ADGRL1: variants seen among roughly 807,000 people sequenced by gnomAD.
The protein encoded by ADGRL1 is CIRL-1.
ADGRL1 carries 31 observed loss-of-function variants against 148.9 expected under a neutral mutation model. The ratio of observed to expected loss-of-function variants is 0.21; its 90% CI spans 0.16 to 0.28. The LOEUF is 0.28. Among genes scored for constraint, ADGRL1 ranks in the 10% least tolerant of loss-of-function variants. The probability of loss-of-function intolerance (pLI) is 1.00; values close to 1 mark genes in which losing one functional copy is unlikely to be tolerated. For synonymous variants in ADGRL1, 937 were observed against 900.3 expected (o/e 1.04, Z -0.73); for missense variants, 1,521 against 2,058.8 (o/e 0.74, Z 5.05).
chr19:14,203,489 G>A (rs902201303), intron 1 of ADGRL1, among the ~76,000 whole-genome samples: 8 of 152,070 alleles, frequency 5.3e-5, no homozygotes, highest in Non-Finnish European at 8.8e-5. Context: ...GGACGCAGAC[G>A]CCCCGAGATG....
At chr19:14,200,901 G>A (rs1357087299) in intron 1 of ADGRL1, among the ~76,000 whole-genome samples, 1 of 152,172 alleles carries the variant, frequency 6.6e-6, no homozygotes, top group Non-Finnish European at 1.5e-5. Flanking sequence ...TACAGGCGTG[G>A]GCCACTTTTT....
intron 4 of ADGRL1, among the ~76,000 whole-genome samples, chr19:14,163,851 G>C (rs555577731): frequency 6.6e-6 from 1 of 152,182 alleles, no homozygotes; most frequent in African/African-American, 2.4e-5. Context: ...TGACGGTCCA[G>C]GGACTCAGCA....
At position 14,158,690 on chromosome 19, in the gene ADGRL1, GC is replaced by G. The variant is rs573401794; in HGVS notation, c.2150-139del. 2.8e-4 allele frequency: 190 copies of G among 679,608 alleles called. No homozygotes were observed. In the African/African-American group the frequency reaches 3.1e-3, roughly 11 times the overall value. 42.1% of individuals were successfully genotyped at this position (679,608 alleles called of 1,614,324 possible). A position where few individuals can be genotyped will look rare whatever the true frequency, so the allele number is the denominator to read the frequency against. ...CTGGGACCTCTGAAGCCAGTCCATA[GC>G]CCAGGCAGGTGGGGGTCAGGGAGCC... is the stretch of plus-strand genomic sequence containing the variant. On this transcript the variant is annotated intron_variant, in intron 11 of 22. Transcript: ENST00000361434.
intron 1 of ADGRL1, among the ~76,000 whole-genome samples, chr19:14,190,492 C>T (rs1360212863): frequency 6.6e-6 from 1 of 152,196 alleles, no homozygotes; most frequent in Non-Finnish European, 1.5e-5. Context: ...GCCTTGCACT[C>T]CTGGCGTCAA....
intron 1 of ADGRL1, among the ~76,000 whole-genome samples, chr19:14,205,372 G>A (rs1279895927): frequency 1.3e-5 from 2 of 151,702 alleles, no homozygotes; most frequent in African/African-American, 4.8e-5. Context: ...CCCTCCTCCT[G>A]ACAGCGGCGC....
intron 1 of ADGRL1, among the ~76,000 whole-genome samples, chr19:14,185,363 G>A (rs1021184343): frequency 5.3e-5 from 8 of 151,914 alleles, no homozygotes; most frequent in African/African-American, 1.7e-4. Context: ...GCACAATGAC[G>A]GCTCACTGCA....
chr19:14,155,592 C>T lies in ADGRL1; in HGVS notation c.3126-65G>A. On this transcript the variant is annotated intron_variant, in intron 17 of 22. Transcript: ENST00000361434. This position sits in a 1 kb window ranked among gnomAD's most constrained non-coding sequence, Gnocchi z 5.0. ...AGGGGACGGCCTCAGCCCAGGCCTC[C>T]CCTGCAGCCTACAACGGGGGCCCTT... 3 of 1,558,814 alleles carry T rather than the reference C, an allele frequency of 1.9e-6. No homozygotes were observed. The highest frequency in any genetic ancestry group is 2.6e-6 in the Non-Finnish European group (3 of 1,140,466).
intron 1 of ADGRL1, among the ~76,000 whole-genome samples, chr19:14,204,343 G>A (rs1972816022): frequency 6.6e-6 from 1 of 152,100 alleles, no homozygotes; most frequent in South Asian, 2.1e-4. Context: ...AGAGTCCCCT[G>A]CCGGGGGCAG....
chr19:14,187,586 G>GC (rs1971660086), intron 1 of ADGRL1, among the ~76,000 whole-genome samples: 1 of 42,036 alleles, frequency 2.4e-5, no homozygotes, highest in African/African-American at 8.6e-5. Context: ...GCTACCTCCA[G>GC]CCCCCAACCG....
chr19:14,194,122 T>C (rs1266380001), intron 1 of ADGRL1, among the ~76,000 whole-genome samples: 1 of 152,180 alleles, frequency 6.6e-6, no homozygotes, highest in Non-Finnish European at 1.5e-5. Context: ...GATGCACCTG[T>C]AGTCCCAGCT....
In ADGRL1 at chr19:14,159,187, C is replaced by G. The variant is rs1234824660; in HGVS notation, c.2052G>C (p.Glu684Asp). The stretch of plus-strand genomic sequence containing the variant: ...GGAACACCAGCTCCTGCACCTGGCC[C>G]TCTGTGTTCAGGACTGTGACCTCCA... ...VVLEVTVLNTEGQVQELVFPQ... is the reference protein window; with the variant it reads ...VVLEVTVLNTDGQVQELVFPQ... Residue 684 changes from glutamate to aspartate, a missense_variant, in exon 11 of 23, where the codon GAG becomes GAC. By Grantham distance (45) the Glu-to-Asp change is conservative (BLOSUM62 2). This residue lies in a region of ADGRL1 where 265 missense variants were observed against 431.9 expected (regional missense o/e 0.61). Transcript: ENST00000361434. The surrounding 1 kb of genome is among the most constrained non-coding windows in gnomAD (Gnocchi z 6.0). The G allele has an allele frequency of 6.2e-7, 1 of 1,614,118 alleles. No homozygotes were observed. The highest frequency in any genetic ancestry group is 1.1e-5 in the South Asian group (1 of 91,086).
chr19:14,172,406 A>G (rs1414218838), intron 3 of ADGRL1, among the ~76,000 whole-genome samples: 3 of 151,472 alleles, frequency 2.0e-5, no homozygotes, highest in African/African-American at 7.3e-5. Context: ...TGGGTGACAG[A>G]GTAAGACTCC....
chr19:14,152,766 T>A lies in ADGRL1; in HGVS notation c.3423+18A>T, dbSNP rs774055043. 9 of 1,613,104 alleles carry A rather than the reference T, an allele frequency of 5.6e-6. No homozygotes were observed. The highest frequency in any genetic ancestry group is 5.0e-5 in the Admixed American group (3 of 59,954). On this transcript the variant is annotated intron_variant, in intron 19 of 22. Transcript: ENST00000361434. The surrounding 1 kb of genome is among the most constrained non-coding windows in gnomAD (Gnocchi z 6.1). Reference sequence around the variant, plus strand: ...GGTTCCAACACTCAGCCCCAGGGAGTCCTGTCTGGCCCGATACCTGGGTCC... The same window carrying A: ...GGTTCCAACACTCAGCCCCAGGGAGACCTGTCTGGCCCGATACCTGGGTCC...
At chr19:14,184,606 T>TTTTA (rs74181775) in intron 1 of ADGRL1, among the ~76,000 whole-genome samples, 8,499 of 103,876 alleles carry the variant, frequency 0.082, 448 homozygotes, top group Admixed American at 0.1. Flanking sequence ...CTAATTTTTA[T>TTTTA]TTTATTTATT....
Position 14,150,831 on chromosome 19 carries a change from C to T in ADGRL1, c.*42G>A, listed in dbSNP as rs528912556. 5.7e-6 allele frequency: 9 copies of T among 1,592,372 alleles called. No individual in the cohort carries two copies. The African/African-American group carries it at 6.7e-5, about 12-fold the overall frequency. On this transcript the variant is annotated 3_prime_UTR_variant, in exon 23 of 23. Transcript: ENST00000361434. ...CCACCAGAGCCCTGCCCAGGGTTCC[C>T]TCCCTGGCCTGGGCCACCAGCCCCT...
chr19:14,183,510 TC>T, intron 2 of ADGRL1, 22 bp downstream of exon 2: 3 of 1,554,276 alleles, frequency 1.9e-6, no homozygotes, highest in Admixed American at 3.9e-5. Context: ...CCGCGGCCCC[TC>T]CCCGGCCCCA....
At chr19:14,167,578 A>G (rs1025540950) in intron 4 of ADGRL1, among the ~76,000 whole-genome samples, 2 of 151,962 alleles carry the variant, frequency 1.3e-5, no homozygotes, top group Admixed American at 6.5e-5. Flanking sequence ...CAGCCAAGAA[A>G]CAGGCTGAAC....
intron 1 of ADGRL1, among the ~76,000 whole-genome samples, chr19:14,195,935 G>C (rs1468901909): frequency 1.3e-5 from 2 of 152,110 alleles, no homozygotes; most frequent in Non-Finnish European, 2.9e-5. Flanking sequence ...GTCCCTCCAG[G>C]GGCTCAGGAA....
In ADGRL1 at chr19:14,160,472, C is replaced by A; in HGVS notation, c.1614+121G>T. ...CCCTTTGTAGGCCAGGGAGGTGACC[C>A]CACAGTCCTGCCTTCCAGACCTGCC... On this transcript the variant is annotated intron_variant, in intron 7 of 22. Transcript: ENST00000361434. This position sits in a 1 kb window ranked among gnomAD's most constrained non-coding sequence, Gnocchi z 5.9. The A allele has an allele frequency of 3.2e-6, 3 of 934,242 alleles. No individual in the cohort carries two copies. Among genetic ancestry groups the A allele is most frequent in the South Asian group, 1.7e-5 (1 of 58,238 alleles). 57.9% of individuals were successfully genotyped at this position (934,242 alleles called of 1,614,324 possible). A position where few individuals can be genotyped will look rare whatever the true frequency, so the allele number is the denominator to read the frequency against.
Sources: gnomAD v4.1 joint callset for allele counts (sites outside exome capture counted in the v4.1 genomes callset) on GRCh38, gnomAD v4.1.1 for gene constraint, gnomAD v4.1.1 regional missense constraint, Gnocchi (gnomAD v3.1) non-coding constraint, MANE v1.5 for transcripts, NCBI Gene and HGNC (gene_info 2026-07-23, HGNC 2026-07-21) for gene names.